Variants in C12orf75 observed in about 807,000 individuals in gnomAD.
C12orf75 encodes the protein overexpressed in colon carcinoma 1 protein.
A neutral mutation model predicts 11.4 loss-of-function variants in C12orf75; 4 were observed. The ratio of observed to expected loss-of-function variants is 0.35; its 90% confidence interval spans 0.17 to 0.80. The LOEUF (loss-of-function observed/expected upper bound fraction) is 0.80. Among genes scored for constraint, C12orf75 ranks in the 30% least tolerant of loss-of-function variants. The pLI, the probability that C12orf75 is intolerant of heterozygous loss-of-function variation, is 0.52. For missense variants in C12orf75, 89 were observed against 80.4 expected (o/e 1.11, Z -0.41); for synonymous variants, 30 against 30.0 (o/e 1.00, Z 0.00).
chr12:105,332,715 G>A (rs1276800745), intron 1 of C12orf75, among the ~76,000 whole-genome samples: 4 of 141,642 alleles, frequency 2.8e-5, no homozygotes, highest in African/African-American at 1.1e-4. Context: ...TGGGCAACAA[G>A]AGTGGAACTC....
In C12orf75 at chr12:105,330,727, G is replaced by A; in HGVS notation, c.-165G>A. On this transcript the variant is annotated 5_prime_UTR_variant, in exon 1 of 6. Coordinates refer to ENST00000443585, the MANE Select transcript of C12orf75 (RefSeq NM_001145199.2). The stretch of plus-strand genomic sequence containing the variant: ...GGCAGCCCGCAGCCCGCTGCGCCCC[G>A]GGCCGCGTCTCCCGGCGGTGGGAGG... The A allele has an allele frequency of 3.4e-6, 2 of 594,746 alleles. No homozygotes were observed. The highest frequency in any genetic ancestry group is 4.6e-6 in the Non-Finnish European group (2 of 431,482). The allele number at this position is 594,746 out of a possible 1,614,324, so 36.8% of individuals were successfully genotyped here.
rs1430990916 is a variant in C12orf75, at chr12:105,366,631, T to TTGGCCTACC, written c.122_123insTGGCCTACC (p.Val41_Tyr42insGlyLeuPro). 6.5e-7 allele frequency: 1 copy of TTGGCCTACC among 1,529,950 alleles called. No homozygotes were observed. The highest frequency in any genetic ancestry group is 8.9e-7 in the Non-Finnish European group (1 of 1,128,378). 94.8% of individuals were successfully genotyped at this position (1,529,950 alleles called of 1,614,324 possible). On this transcript the variant is annotated inframe_insertion, in exon 4 of 6. Coordinates refer to ENST00000443585, the MANE Select transcript of C12orf75 (RefSeq NM_001145199.2). Reference sequence around the variant, plus strand: ...TTTTTATCAAGAAACTATGGAGGAGTATATGTTGGCCTACCATCTGAAGCT... The same window carrying TTGGCCTACC: ...TTTTTATCAAGAAACTATGGAGGAGTTGGCCTACCATATGTTGGCCTACCATCTGAAGCT...
intron 2 of C12orf75, among the ~76,000 whole-genome samples, chr12:105,354,713 G>A (rs927262509): frequency 6.6e-6 from 1 of 152,178 alleles, no homozygotes; most frequent in Non-Finnish European, 1.5e-5. Context: ...TGGTAGCCAT[G>A]ATGAGATTTT....
chr12:105,350,420 C>T (rs997002278), intron 2 of C12orf75, among the ~76,000 whole-genome samples: 2 of 152,204 alleles, frequency 1.3e-5, no homozygotes, highest in East Asian at 1.9e-4. Context: ...GGGGCTTCTG[C>T]GACCTCATGC....
chr12:105,357,169 T>G (rs1892794582), intron 2 of C12orf75, among the ~76,000 whole-genome samples: 2 of 152,288 alleles, frequency 1.3e-5, no homozygotes, highest in Admixed American at 1.3e-4. Flanking sequence ...AACAGAAGGA[T>G]GCATAACTAC....
intron 2 of C12orf75, among the ~76,000 whole-genome samples, chr12:105,351,851 G>GT (rs989006442): frequency 1.3e-4 from 19 of 151,174 alleles, no homozygotes; most frequent in African/African-American, 3.2e-4. Context: ...AATCGTGCTT[G>GT]TTTTTTTTTA....
At chr12:105,361,124 A>G (rs991288378) in intron 2 of C12orf75, among the ~76,000 whole-genome samples, 1 of 151,984 alleles carries the variant, frequency 6.6e-6, no homozygotes, top group Non-Finnish European at 1.5e-5. Flanking sequence ...CACAAGAGGG[A>G]GGCTCGTGTG....
intron 1 of C12orf75, among the ~76,000 whole-genome samples, chr12:105,339,945 A>G (rs1050505478): frequency 6.6e-6 from 1 of 152,072 alleles, no homozygotes. Context: ...AGATAAAAGT[A>G]TGTTCTTCAT....
chr12:105,369,365 C>G (rs1871565948), intron 5 of C12orf75, among the ~76,000 whole-genome samples: 1 of 151,982 alleles, frequency 6.6e-6, no homozygotes, highest in Admixed American at 6.6e-5. Context: ...TTATTGCACC[C>G]CTCTCTCTCC....
At chr12:105,368,136 G>A (rs922694870) in intron 5 of C12orf75, among the ~76,000 whole-genome samples, 6 of 152,096 alleles carry the variant, frequency 3.9e-5, no homozygotes, top group African/African-American at 1.2e-4. Flanking sequence ...CAAGAACAAC[G>A]ACAAGAGAAA....
chr12:105,332,177 A>G (rs1004032697), intron 1 of C12orf75, among the ~76,000 whole-genome samples: 3 of 152,164 alleles, frequency 2.0e-5, no homozygotes, highest in South Asian at 4.1e-4. Context: ...CTCTGCTTGT[A>G]TGAAACAATG....
At chr12:105,345,386 A>T (rs574535487) in intron 1 of C12orf75, among the ~76,000 whole-genome samples, 1 of 151,990 alleles carries the variant, frequency 6.6e-6, no homozygotes, top group Non-Finnish European at 1.5e-5. Context: ...GCTACTCAGG[A>T]GGCTGAGGCA....
At chr12:105,340,934 G>A (rs961178884) in intron 1 of C12orf75, among the ~76,000 whole-genome samples, 11 of 152,160 alleles carry the variant, frequency 7.2e-5, no homozygotes, top group Non-Finnish European at 1.2e-4. Flanking sequence ...GGCATGGAAT[G>A]GGTGCTTCCC....
chr12:105,351,875 T>A (rs1892718950), intron 2 of C12orf75, among the ~76,000 whole-genome samples: 1 of 151,956 alleles, frequency 6.6e-6, no homozygotes, highest in Non-Finnish European at 1.5e-5. Flanking sequence ...ATTCAAGGGC[T>A]GATAGAGATT....
chr12:105,343,358 G>A (rs1892596575), intron 1 of C12orf75, among the ~76,000 whole-genome samples: 2 of 152,222 alleles, frequency 1.3e-5, no homozygotes, highest in South Asian at 4.2e-4. Context: ...GACATGAAGT[G>A]GTATTAGGAT....
At chr12:105,336,017 G>T (rs560401737) in intron 1 of C12orf75, among the ~76,000 whole-genome samples, 176 of 152,336 alleles carry the variant, frequency 1.2e-3, no homozygotes, top group Middle Eastern at 0.01. Flanking sequence ...AACTTGATTT[G>T]GGTTTGAAGA....
At chr12:105,361,170 A>G (rs1163321298) in intron 2 of C12orf75, among the ~76,000 whole-genome samples, 1 of 152,136 alleles carries the variant, frequency 6.6e-6, no homozygotes, top group African/African-American at 2.4e-5. Flanking sequence ...CTGGGACCAC[A>G]GGTGCACACC....
At chr12:105,339,703 G>A (rs1363098837) in intron 1 of C12orf75, among the ~76,000 whole-genome samples, 1 of 151,814 alleles carries the variant, frequency 6.6e-6, no homozygotes, top group East Asian at 1.9e-4. Context: ...TGCAAGCTCC[G>A]CCTGCCGGGT....
chr12:105,362,299 G>A (rs560419166), intron 2 of C12orf75, among the ~76,000 whole-genome samples: 356 of 149,446 alleles, frequency 2.4e-3, no homozygotes, highest in Admixed American at 3.9e-3. Flanking sequence ...GCAGGAGAAT[G>A]GCGTGAACCC....
Sources: allele counts gnomAD v4.1 joint callset (sites outside exome capture counted in the v4.1 genomes callset), GRCh38; gene constraint gnomAD v4.1.1; transcripts MANE v1.5; gene names NCBI Gene and HGNC (gene_info 2026-07-23, HGNC 2026-07-21).